Variants in RORA observed in about 807,000 individuals in gnomAD.
RORA encodes the protein RAR related orphan receptor A.
Under a neutral mutation model 69.5 loss-of-function variants are expected in RORA, and 7 were observed. That is an observed-to-expected ratio of 0.10 (90% CI 0.06 to 0.19). The LOEUF (loss-of-function observed/expected upper bound fraction) is 0.19. RORA is among the 10% of genes least tolerant of loss of function. The probability of loss-of-function intolerance (pLI) is 1.00; values close to 1 mark genes in which losing one functional copy is unlikely to be tolerated. For synonymous variants in RORA, 261 were observed against 240.8 expected (o/e 1.08, Z -0.78); for missense variants, 457 against 663.0 (o/e 0.69, Z 3.41).
chr15:60,788,513 G>A (rs1367596706), intron 1 of RORA, among the ~76,000 whole-genome samples: 1 of 152,172 alleles, frequency 6.6e-6, no homozygotes, highest in Non-Finnish European at 1.5e-5. Context: ...GCTTAAGAAC[G>A]AAACTCCTTT....
intron 1 of RORA, among the ~76,000 whole-genome samples, chr15:60,697,623 C>T (rs1019768185): frequency 6.6e-6 from 1 of 151,322 alleles, no homozygotes. Flanking sequence ...TGCAGTAATT[C>T]TGCCTGCTTG....
intron 2 of RORA, among the ~76,000 whole-genome samples, chr15:60,632,695 A>C (rs1053900278): frequency 1.3e-5 from 2 of 151,990 alleles, no homozygotes; most frequent in African/African-American, 2.4e-5. Context: ...AATACAACTC[A>C]CACGCATCGG....
chr15:60,777,609 A>G (rs1394339023), intron 1 of RORA, among the ~76,000 whole-genome samples: 1 of 152,150 alleles, frequency 6.6e-6, no homozygotes, highest in African/African-American at 2.4e-5. Flanking sequence ...CCAGCCCCCT[A>G]TCACTGTGGG....
At chr15:60,627,361 G>T in intron 2 of RORA, 1 of 1,614,168 alleles carries the variant, frequency 6.2e-7, no homozygotes, top group Non-Finnish European at 8.5e-7. Flanking sequence ...GTCTCCTGGG[G>T]CCCCCTCATT....
chr15:60,642,509 T>C (rs1246415744), intron 2 of RORA, among the ~76,000 whole-genome samples: 1 of 152,176 alleles, frequency 6.6e-6, no homozygotes, highest in African/African-American at 2.4e-5. Flanking sequence ...TTCAGGCAAG[T>C]AAACTGCTAG....
intron 1 of RORA, among the ~76,000 whole-genome samples, chr15:61,089,246 C>T (rs986465063): frequency 6.6e-6 from 1 of 152,156 alleles, no homozygotes; most frequent in Non-Finnish European, 1.5e-5. Flanking sequence ...ATGAGTAAAT[C>T]CCCCTACTGT....
Position 60,597,514 on chromosome 15 carries a change from C to T in RORA, c.197-65663G>A, listed in dbSNP as rs1306467492. Among the ~76,000 whole-genome samples the T allele has an allele frequency of 5.1e-3, 196 of 38,582 alleles. 3 individuals are homozygous for T. The highest frequency in any genetic ancestry group is 0.019 in the African/African-American group (180 of 9,334). 25.3% of individuals were successfully genotyped at this position (38,582 alleles called of 152,430 possible). On this transcript the variant is annotated intron_variant, in intron 2 of 10. Transcript: ENST00000335670. ...ATACCTGGCAGTGGTACAGGAGATA[C>T]ACACACACACACACACACACACACA...
chr15:61,069,234 G>A (rs1486568640), intron 1 of RORA, among the ~76,000 whole-genome samples: 1 of 152,172 alleles, frequency 6.6e-6, no homozygotes, highest in African/African-American at 2.4e-5. Flanking sequence ...TTGTAGCTGT[G>A]TGCCCTTAAA....
intron 1 of RORA, among the ~76,000 whole-genome samples, chr15:61,110,443 G>A (rs782921): frequency 0.86 from 131,211 of 151,746 alleles, 57,133 homozygotes; most frequent in Middle Eastern, 0.91. Flanking sequence ...ATAATACATG[G>A]TAATGATAAT....
At chr15:60,989,877 T>C (rs1894319478) in intron 1 of RORA, among the ~76,000 whole-genome samples, 1 of 152,064 alleles carries the variant, frequency 6.6e-6, no homozygotes, top group African/African-American at 2.4e-5. Flanking sequence ...TCCAGACCAC[T>C]CCAAAACCAC....
chr15:61,122,952 G>A (rs571075420), intron 1 of RORA, among the ~76,000 whole-genome samples: 1 of 152,284 alleles, frequency 6.6e-6, no homozygotes, highest in East Asian at 1.9e-4. Context: ...TTTGGGCACA[G>A]GCAAGAAGCT....
At chr15:60,744,997 C>T (rs2071627590) in intron 1 of RORA, among the ~76,000 whole-genome samples, 1 of 152,326 alleles carries the variant, frequency 6.6e-6, no homozygotes, top group Admixed American at 6.5e-5. Flanking sequence ...TATGCCTGGC[C>T]ACCGCGCCCT....
At chr15:60,860,266 C>A (rs527489837) in intron 1 of RORA, among the ~76,000 whole-genome samples, 5 of 152,142 alleles carry the variant, frequency 3.3e-5, no homozygotes, top group Non-Finnish European at 5.9e-5. Flanking sequence ...TTATAGTTTA[C>A]CATACCACCC....
chr15:60,738,234 C>T (rs866855756), intron 1 of RORA, among the ~76,000 whole-genome samples: 15 of 152,220 alleles, frequency 9.9e-5, no homozygotes, highest in African/African-American at 2.9e-4. Flanking sequence ...TGAAACTGTC[C>T]TCCTCTCACA....
rs1260363565 is a variant in RORA, at chr15:61,226,306, T to C, written c.166+2747A>G. ...GAACTCCACTCCACCCTCCTGGAGG[T>C]TGAAAATGCTAATCATAAGGTGATG... On this transcript the variant is annotated intron_variant, in intron 1 of 10. Coordinates refer to ENST00000335670, the MANE Select transcript of RORA (RefSeq NM_134261.3). The surrounding 1 kb of genome is among the most constrained non-coding windows in gnomAD (Gnocchi z 4.2). 2.0e-5 allele frequency among the ~76,000 whole-genome samples: 3 copies of C among 152,182 alleles called. No homozygotes were observed. Among genetic ancestry groups the C allele is most frequent in the Non-Finnish European group, 4.4e-5 (3 of 68,028 alleles).
intron 1 of RORA, among the ~76,000 whole-genome samples, chr15:60,805,696 C>A (rs1052804124): frequency 6.6e-6 from 1 of 152,178 alleles, no homozygotes; most frequent in Non-Finnish European, 1.5e-5. Context: ...CACTCTAGAG[C>A]CCAGTAGGCT....
chr15:61,221,398 A>C (rs1422798872), intron 1 of RORA, among the ~76,000 whole-genome samples: 1 of 152,098 alleles, frequency 6.6e-6, no homozygotes, highest in Non-Finnish European at 1.5e-5. Context: ...TTTCACCTCT[A>C]TTCTTGCCTG....
intron 1 of RORA, among the ~76,000 whole-genome samples, chr15:60,999,346 C>A (rs910096369): frequency 6.6e-6 from 1 of 152,138 alleles, no homozygotes; most frequent in Admixed American, 6.5e-5. Flanking sequence ...AGGGAGCTCA[C>A]TCCCACTAAG....
chr15:60,893,984 T>G (rs1281091442), intron 1 of RORA, among the ~76,000 whole-genome samples: 1 of 152,162 alleles, frequency 6.6e-6, no homozygotes, highest in African/African-American at 2.4e-5. Context: ...CCACAGCAGC[T>G]GCCACCTCGG....
Sources: allele counts gnomAD v4.1 joint callset (sites outside exome capture counted in the v4.1 genomes callset), GRCh38; gene constraint gnomAD v4.1.1; non-coding constraint Gnocchi (gnomAD v3.1); transcripts MANE v1.5; gene names NCBI Gene and HGNC (gene_info 2026-07-23, HGNC 2026-07-21).